The following KANSL1L variants were observed in gnomAD, a reference collection of about 807,000 sequenced individuals.
KANSL1L encodes the protein KAT8 regulatory NSL complex subunit 1 like.
A neutral mutation model predicts 108.6 loss-of-function variants in KANSL1L; 25 were observed. That is an observed-to-expected ratio of 0.23 (90% CI 0.17 to 0.32). KANSL1L has a LOEUF of 0.32. Ranked by LOEUF, KANSL1L falls within the 10% of genes least tolerant of loss-of-function variation. The probability of loss-of-function intolerance (pLI) is 1.00; values close to 1 mark genes in which losing one functional copy is unlikely to be tolerated. For missense variants in KANSL1L, 1,137 were observed against 1,125.7 expected, an observed-to-expected ratio of 1.01 and a Z score of -0.14; for synonymous variants, 405 against 395.1, an observed-to-expected ratio of 1.03 and a Z score of -0.30.
At position 210,044,185 on chromosome 2, in the gene KANSL1L, T is replaced by A; in HGVS notation, c.1756-81A>T. 1 of 986,152 alleles carries A rather than the reference T, an allele frequency of 1.0e-6. No individual in the cohort carries two copies. The highest frequency in any genetic ancestry group is 1.4e-6 in the Non-Finnish European group (1 of 719,576). The allele number at this position is 986,152 out of a possible 1,614,324, so 61.1% of individuals were successfully genotyped here. Reference sequence around the variant, plus strand: ...TCTCTACATTTATTTAGGTTATCTTTAAATAAAATTTTCCAGTTCTACAAA... The same window carrying A: ...TCTCTACATTTATTTAGGTTATCTTAAAATAAAATTTTCCAGTTCTACAAA... On this transcript the variant is annotated intron_variant, in intron 6 of 14. Coordinates refer to ENST00000281772, the MANE Select transcript of KANSL1L (RefSeq NM_152519.4). The surrounding 1 kb of genome is among the most constrained non-coding windows in gnomAD (Gnocchi z 4.2).
intron 5 of KANSL1L, among the ~76,000 whole-genome samples, chr2:210,093,961 C>G (rs2094714283): frequency 6.6e-6 from 1 of 152,078 alleles, no homozygotes; most frequent in Non-Finnish European, 1.5e-5. Context: ...AAGTTTGTCA[C>G]AAAAGGACAA....
At chr2:210,157,506 G>A (rs999152055) in intron 1 of KANSL1L, among the ~76,000 whole-genome samples, 2 of 151,820 alleles carry the variant, frequency 1.3e-5, no homozygotes, top group Non-Finnish European at 2.9e-5. Flanking sequence ...ACCAGCCTGG[G>A]CAACATAAGG....
chr2:210,098,328 G>T, intron 4 of KANSL1L, 121 bp from the exon 5 acceptor site: 1 of 881,714 alleles, frequency 1.1e-6, no homozygotes, highest in Non-Finnish European at 1.7e-6. Context: ...TTTAGTAAAT[G>T]TTTTATTTGA....
At chr2:210,041,284 T>C (rs2094161148) in intron 7 of KANSL1L, among the ~76,000 whole-genome samples, 1 of 152,188 alleles carries the variant, frequency 6.6e-6, no homozygotes, top group South Asian at 2.1e-4. Context: ...TTAAAAAGCA[T>C]TTATTAAGAG....
In KANSL1L at chr2:210,024,197, A is replaced by T; in HGVS notation, c.2569T>A (p.Tyr857Asn). 3 of 1,551,376 alleles carry T rather than the reference A, an allele frequency of 1.9e-6. No homozygotes were observed. Among genetic ancestry groups the T allele is most frequent in the Non-Finnish European group, 2.6e-6 (3 of 1,153,030 alleles). The change falls in exon 14 of 15, where the codon TAC becomes AAC. Residue 857 changes from tyrosine to asparagine, a missense_variant. By Grantham distance (143) the Tyr-to-Asn change is moderately radical. This residue lies in a region of KANSL1L where 575 missense variants were observed against 567.1 expected (regional missense o/e 1.01). Transcript: ENST00000281772. ...SKWHRRNSRAYSKNVEGQDLL... is the reference protein window; with the variant it reads ...SKWHRRNSRANSKNVEGQDLL... ...TCCTGTCCTTCAACATTTTTACTGT[A>T]AGCTCTAGCAAGAAAATCAGGAAAA...
intron 3 of KANSL1L, among the ~76,000 whole-genome samples, chr2:210,121,509 C>T (rs189055161): frequency 3.3e-5 from 5 of 151,910 alleles, no homozygotes; most frequent in Admixed American, 2.6e-4. Context: ...ATGGAGGGTG[C>T]GAGGAGGGAG....
rs554585976 is a variant in KANSL1L at position 210,028,940 on chromosome 2, C to G, written c.2301G>C (p.Glu767Asp). The G allele has an allele frequency of 3.1e-6, 5 of 1,610,666 alleles. No individual in the cohort carries two copies. The highest frequency in any genetic ancestry group is 3.3e-5 in the Admixed American group (2 of 59,710). Residue 767 changes from glutamate to aspartate, a missense_variant, in exon 11 of 15, where the codon GAG (glutamate) becomes GAC (aspartate). By Grantham distance (45) the Glu-to-Asp change is conservative. Coordinates refer to ENST00000281772, the MANE Select transcript of KANSL1L (RefSeq NM_152519.4). ...RNTARRRLRS[E>D]SSYDIDNIVI... ...CAATGTTATCTATGTCATAAGAGCT[C>G]TCACTTCTCAATCTCCGTCGTGCAG... is the stretch of plus-strand genomic sequence containing the variant.
Position 210,154,233 on chromosome 2 carries a change from C to T in KANSL1L, c.350G>A (p.Ser117Asn). ...ACAGATTTTACTGAGCTGAATGTTG[C>T]TGCCATTATACAGTATGTTTTTCAG... Reference protein sequence around the residue: ...NKLKNILYNGSNIQLSKICLS... With the variant: ...NKLKNILYNGNNIQLSKICLS... The change falls in exon 2 of 15, where the codon AGC (serine) becomes AAC (asparagine). Residue 117 changes from serine to asparagine, a missense_variant. Transcript: ENST00000281772. The T allele has an allele frequency of 6.2e-7, 1 of 1,614,004 alleles. No homozygotes were observed. Among genetic ancestry groups the T allele is most frequent in the Non-Finnish European group, 8.5e-7 (1 of 1,179,996 alleles).
intron 8 of KANSL1L, among the ~76,000 whole-genome samples, chr2:210,039,220 A>G (rs575520483): frequency 6.6e-6 from 1 of 152,080 alleles, no homozygotes; most frequent in African/African-American, 2.4e-5. Context: ...TTCTACTTGT[A>G]AATTAATTTG....
intron 6 of KANSL1L, among the ~76,000 whole-genome samples, chr2:210,071,203 T>C (rs1181208574): frequency 6.6e-6 from 1 of 152,094 alleles, no homozygotes; most frequent in Non-Finnish European, 1.5e-5. Flanking sequence ...TCAACTTTCA[T>C]GTTTATGTGG....
rs1448950023 is a variant in KANSL1L, at chr2:210,154,122, T to C, written c.461A>G (p.Asp154Gly). 3 of 1,614,100 alleles carry C rather than the reference T, an allele frequency of 1.9e-6. No homozygotes were observed. Among genetic ancestry groups the C allele is most frequent in the Non-Finnish European group, 1.7e-6 (2 of 1,179,978 alleles). The change falls in exon 2 of 15, where the codon GAT (aspartate) becomes GGT (glycine). Residue 154 changes from aspartate to glycine, a missense_variant. This residue lies in a region of KANSL1L where 556 missense variants were observed against 537.7 expected (regional missense o/e 1.03). Coordinates refer to ENST00000281772, the MANE Select transcript of KANSL1L (RefSeq NM_152519.4). ...ATTAGTGTCTTTGGTTATATTTGAA[T>C]CCAGAATAATTTGTACATCTTTCAT... ...QCMKDVQIIL[D>G]SNITKDTNVD...
intron 4 of KANSL1L, among the ~76,000 whole-genome samples, chr2:210,101,787 A>C (rs2094796096): frequency 6.6e-6 from 1 of 152,210 alleles, no homozygotes; most frequent in African/African-American, 2.4e-5. Flanking sequence ...TAAATTTAAC[A>C]AATACAGGGT....
chr2:210,162,846 C>T (rs944036437), intron 1 of KANSL1L, among the ~76,000 whole-genome samples: 5 of 151,978 alleles, frequency 3.3e-5, no homozygotes, highest in Non-Finnish European at 7.4e-5. Context: ...ATAGCAAAGC[C>T]GATATTACTT....
At chr2:210,043,071 A>T (rs1423295508) in intron 7 of KANSL1L, among the ~76,000 whole-genome samples, 1 of 152,206 alleles carries the variant, frequency 6.6e-6, no homozygotes, top group Non-Finnish European at 1.5e-5. Context: ...TCCAATATAG[A>T]CAAGAGTGTA....
chr2:210,046,404 G>C lies in KANSL1L; in HGVS notation c.1756-2300C>G, dbSNP rs573907401. Among the ~76,000 whole-genome samples the C allele has an allele frequency of 1.4e-4, 22 of 152,132 alleles. No homozygotes were observed. The East Asian group carries it at 4.1e-3, about 28-fold the overall frequency. On this transcript the variant is annotated intron_variant, in intron 6 of 14. Coordinates refer to ENST00000281772, the MANE Select transcript of KANSL1L (RefSeq NM_152519.4). ...TAAATCAGATATGGGTGAGACTCAA[G>C]GTGTACAATTCATCCTGAGGCTGTG...
chr2:210,112,998 A>G (rs2094923243), intron 3 of KANSL1L, among the ~76,000 whole-genome samples: 1 of 152,158 alleles, frequency 6.6e-6, no homozygotes, highest in South Asian at 2.1e-4. Flanking sequence ...TTCTGAAGCA[A>G]TCTATATACA....
intron 3 of KANSL1L, among the ~76,000 whole-genome samples, chr2:210,108,488 G>A (rs977285155): frequency 3.9e-5 from 6 of 152,098 alleles, no homozygotes; most frequent in African/African-American, 1.4e-4. Flanking sequence ...CCTTTCTTAA[G>A]TTAAAGGATT....
At chr2:210,045,238 A>G (rs1039859672) in intron 6 of KANSL1L, among the ~76,000 whole-genome samples, 5 of 152,180 alleles carry the variant, frequency 3.3e-5, no homozygotes, top group African/African-American at 9.7e-5. Context: ...TTGCTTTAAG[A>G]TTAATCAAAT....
chr2:210,063,815 G>A (rs974388414), intron 6 of KANSL1L: 8 of 152,056 alleles, frequency 5.3e-5, no homozygotes, highest in East Asian at 3.9e-4. Flanking sequence ...GCCTTATTTC[G>A]AATGAGACTT....
Sources: allele counts gnomAD v4.1 joint callset (sites outside exome capture counted in the v4.1 genomes callset), GRCh38; gene constraint gnomAD v4.1.1; regional missense constraint gnomAD v4.1.1; non-coding constraint Gnocchi (gnomAD v3.1); transcripts MANE v1.5; gene names NCBI Gene and HGNC (gene_info 2026-07-23, HGNC 2026-07-21).